AMMECR1: variants seen among roughly 807,000 people sequenced by gnomAD.
AMMECR1 encodes the protein nuclear protein AMMECR1.
A neutral mutation model predicts 22.5 loss-of-function variants in AMMECR1; 3 were observed. The observed-to-expected ratio is 0.13, with a 90% confidence interval of 0.06 to 0.35. The LOEUF is 0.35. Ranked by LOEUF, AMMECR1 falls within the 10% of genes least tolerant of loss-of-function variation. The pLI, the probability that AMMECR1 is intolerant of heterozygous loss-of-function variation, is 1.00. For missense variants in AMMECR1, 235 were observed against 278.7 expected (o/e 0.84, Z 1.12); for synonymous variants, 130 against 116.7 (o/e 1.11, Z -0.74).
chrX:110,298,212 C>T (rs1383906217), intron 1 of AMMECR1, among the ~76,000 whole-genome samples: 1 of 111,175 alleles, frequency 9.0e-6, no homozygotes, highest in Non-Finnish European at 1.9e-5. Flanking sequence ...CAGTGTATTT[C>T]TTTGATCAAA....
chrX:110,329,558 AT>A (rs1460669567), intron 2 of AMMECR1, among the ~76,000 whole-genome samples: 3 of 112,455 alleles, frequency 2.7e-5, no homozygotes, highest in Non-Finnish European at 5.6e-5. Context: ...TGATCCTGGT[AT>A]TCTGGTGATG....
chrX:110,268,052 G>A lies in AMMECR1; in HGVS notation c.474-3453C>T, dbSNP rs1021516228. Among the ~76,000 whole-genome samples, 4 of 112,422 alleles carry A rather than the reference G, an allele frequency of 3.6e-5. No homozygotes were observed. The Admixed American group carries it at 3.8e-4, about 11-fold the overall frequency. ...AGCAAGGGCATGGACATGTAAAAGT[G>A]CACAGCACATTCAGGAAACAGGAAG... On this transcript the variant is annotated intron_variant, in intron 1 of 5. Coordinates refer to ENST00000262844, the MANE Select transcript of AMMECR1 (RefSeq NM_015365.3).
chrX:110,242,907 T>A (rs191593984), intron 2 of AMMECR1, among the ~76,000 whole-genome samples: 1 of 112,572 alleles, frequency 8.9e-6, no homozygotes, highest in African/African-American at 3.2e-5. Flanking sequence ...TACTCAATGC[T>A]AGGCTATTAC....
intron 1 of AMMECR1, among the ~76,000 whole-genome samples, chrX:110,437,436 G>A (rs2068846989): frequency 8.9e-6 from 1 of 112,070 alleles, no homozygotes; most frequent in African/African-American, 3.2e-5. Flanking sequence ...TTTTACAGAT[G>A]AGGTTTAGAT....
chrX:110,229,098 T>G (rs192151731), intron 2 of AMMECR1, among the ~76,000 whole-genome samples: 63 of 112,422 alleles, frequency 5.6e-4, no homozygotes, highest in Admixed American at 1.0e-3. Flanking sequence ...GTCAAATATG[T>G]GATTCTTGAT....
chrX:110,428,528 G>A (rs2068770692), intron 1 of AMMECR1, among the ~76,000 whole-genome samples: 1 of 110,994 alleles, frequency 9.0e-6, no homozygotes, highest in African/African-American at 3.3e-5. Flanking sequence ...TTCTGTCCAG[G>A]CCCCCGTTGC....
At chrX:110,252,433 GA>G (rs1237428793) in intron 2 of AMMECR1, among the ~76,000 whole-genome samples, 6 of 109,739 alleles carry the variant, frequency 5.5e-5, no homozygotes, top group African/African-American at 9.9e-5. Context: ...AAAGAAAAGA[GA>G]AAAAAAATCA....
intron 1 of AMMECR1, among the ~76,000 whole-genome samples, chrX:110,303,041 T>C (rs929185887): frequency 5.4e-5 from 6 of 111,695 alleles, no homozygotes; most frequent in Non-Finnish European, 1.1e-4. Flanking sequence ...GCTGGACTGG[T>C]ACAAACTATT....
At chrX:110,287,359 G>A (rs1156577562) in intron 1 of AMMECR1, among the ~76,000 whole-genome samples, 1 of 112,104 alleles carries the variant, frequency 8.9e-6, no homozygotes, top group East Asian at 2.8e-4. Context: ...CTGTCAAATT[G>A]TTTTGGTTTC....
At chrX:110,411,705 A>G (rs2068643111) in intron 2 of AMMECR1, among the ~76,000 whole-genome samples, 1 of 112,548 alleles carries the variant, frequency 8.9e-6, no homozygotes, top group South Asian at 3.7e-4. Context: ...GAAGGAAGAC[A>G]ATGGTTTATT....
chrX:110,328,004 T>A (rs1440956757), intron 2 of AMMECR1, among the ~76,000 whole-genome samples: 3 of 110,960 alleles, frequency 2.7e-5, no homozygotes, highest in Non-Finnish European at 5.7e-5. Context: ...GTTTATAGAG[T>A]TATGGAGTGA....
At chrX:110,219,535 A>G (rs957100569) in intron 2 of AMMECR1, 1 of 747,758 alleles carries the variant, frequency 1.3e-6, no homozygotes, top group Non-Finnish European at 1.6e-6. Context: ...ATTTTCAAAT[A>G]CCTAAAACAT....
At chrX:110,296,617 T>C (rs1378138910) in intron 1 of AMMECR1, among the ~76,000 whole-genome samples, 3 of 111,660 alleles carry the variant, frequency 2.7e-5, no homozygotes, top group African/African-American at 9.8e-5. Context: ...GTTTCTTGAT[T>C]CTTCTGTCAG....
At chrX:110,354,080 AT>A (rs1308451189) in intron 2 of AMMECR1, among the ~76,000 whole-genome samples, 1 of 112,267 alleles carries the variant, frequency 8.9e-6, no homozygotes, top group Non-Finnish European at 1.9e-5. Flanking sequence ...TACTATTAAA[AT>A]TTCCATACCA....
At chrX:110,205,741 T>C (rs2067418881) in intron 3 of AMMECR1, among the ~76,000 whole-genome samples, 1 of 111,596 alleles carries the variant, frequency 9.0e-6, no homozygotes, top group Non-Finnish European at 1.9e-5. Context: ...GGTCCATCAG[T>C]TGCGATAATA....
At chrX:110,438,117 C>T (rs1430969303) in intron 1 of AMMECR1, among the ~76,000 whole-genome samples, 1 of 111,150 alleles carries the variant, frequency 9.0e-6, no homozygotes, top group Non-Finnish European at 1.9e-5. Context: ...CTTGCAGACT[C>T]CTGTTCTGAG....
upstream of AMMECR1, among the ~76,000 whole-genome samples, chrX:110,318,842 C>T (rs1569406081): frequency 8.9e-6 from 1 of 112,168 alleles, no homozygotes; most frequent in Non-Finnish European, 1.9e-5. Flanking sequence ...CTTGTTCCCC[C>T]AACTTACCCT....
chrX:110,216,153 C>G (rs1454346472), intron 3 of AMMECR1, among the ~76,000 whole-genome samples: 1 of 111,871 alleles, frequency 8.9e-6, no homozygotes, highest in Non-Finnish European at 1.9e-5. Flanking sequence ...GATGTATCCT[C>G]TGACCAACTA....
intron 2 of AMMECR1, among the ~76,000 whole-genome samples, chrX:110,359,594 T>C: frequency 9.0e-6 from 1 of 111,689 alleles, no homozygotes; most frequent in East Asian, 2.8e-4. Context: ...TTCTTGTCCA[T>C]TGCACCATCT....
Sources: allele counts gnomAD v4.1 joint callset (sites outside exome capture counted in the v4.1 genomes callset), GRCh38; gene constraint gnomAD v4.1.1; transcripts MANE v1.5; gene names NCBI Gene and HGNC (gene_info 2026-07-23, HGNC 2026-07-21).